PRKCE: variants seen among roughly 807,000 people sequenced by gnomAD.
PRKCE encodes protein kinase C epsilon type.
PRKCE carries 16 observed loss-of-function variants against 85.4 expected under a neutral mutation model. The ratio of observed to expected loss-of-function variants is 0.19; its 90% CI spans 0.13 to 0.28. The LOEUF is 0.28. PRKCE is among the 10% of genes least tolerant of loss of function. The pLI is 1.00. For missense variants in PRKCE, 573 were observed against 975.2 expected, an observed-to-expected ratio of 0.59 and a Z score of 5.49; for synonymous variants, 388 against 371.5, an observed-to-expected ratio of 1.04 and a Z score of -0.51.
At chr2:45,681,968 T>G (rs1160438022) in intron 1 of PRKCE, among the ~76,000 whole-genome samples, 1 of 152,222 alleles carries the variant, frequency 6.6e-6, no homozygotes, top group African/African-American at 2.4e-5. Flanking sequence ...TGGTGCAGAC[T>G]CAGGGTTCTC....
At chr2:45,870,564 AT>A (rs1694010631) in intron 2 of PRKCE, among the ~76,000 whole-genome samples, 1 of 152,222 alleles carries the variant, frequency 6.6e-6, no homozygotes, top group Non-Finnish European at 1.5e-5. Flanking sequence ...CTCATCAGCC[AT>A]GCAGAGCAGA....
chr2:45,814,646 T>A (rs4455207), intron 1 of PRKCE, among the ~76,000 whole-genome samples: 31,052 of 152,214 alleles, frequency 0.2, 3,254 homozygotes, highest in Middle Eastern at 0.34. Flanking sequence ...CCAATTCTCC[T>A]GGGGTCTGTG....
chr2:46,130,132 G>A (rs545590468), intron 11 of PRKCE, among the ~76,000 whole-genome samples: 1 of 152,010 alleles, frequency 6.6e-6, no homozygotes, highest in Non-Finnish European at 1.5e-5. Context: ...TGTTTTTGTG[G>A]TTGTTTTCAT....
chr2:46,134,902 T>TA (rs1466433861), intron 11 of PRKCE, among the ~76,000 whole-genome samples: 3 of 152,268 alleles, frequency 2.0e-5, no homozygotes, highest in African/African-American at 7.2e-5. Flanking sequence ...ATCAGGATTT[T>TA]ATCCATGAAT....
chr2:45,798,140 G>A (rs1345206778), intron 1 of PRKCE, among the ~76,000 whole-genome samples: 2 of 152,102 alleles, frequency 1.3e-5, no homozygotes, highest in Non-Finnish European at 2.9e-5. Flanking sequence ...CAGCAAAGTC[G>A]TTTGTGCAAA....
intron 1 of PRKCE, among the ~76,000 whole-genome samples, chr2:45,840,954 G>A (rs1195742612): frequency 2.6e-5 from 4 of 152,168 alleles, no homozygotes; most frequent in Non-Finnish European, 4.4e-5. Context: ...TGGGGACAGA[G>A]CCTTGGGAGG....
chr2:45,939,222 T>A (rs2595191), intron 2 of PRKCE, among the ~76,000 whole-genome samples: 6 of 152,104 alleles, frequency 3.9e-5, no homozygotes, highest in African/African-American at 1.2e-4. Context: ...AGAAATTTGA[T>A]ACAAGTGCCA....
Position 46,140,392 on chromosome 2 carries a change from G to C in PRKCE, c.1593-4701G>C, listed in dbSNP as rs568703682. On this transcript the variant is annotated intron_variant, in intron 11 of 14. Transcript: ENST00000306156. The stretch of plus-strand genomic sequence containing the variant: ...AAGTGCACATGAGGATTTAGTACTA[G>C]TATTTGATAAAGGTGGTATTTCAAT... Among the ~76,000 whole-genome samples the C allele has an allele frequency of 2.0e-5, 3 of 152,288 alleles. No homozygotes were observed. In the South Asian group the frequency reaches 6.2e-4, roughly 32 times the overall value.
intron 2 of PRKCE, among the ~76,000 whole-genome samples, chr2:45,969,413 A>G (rs1031544284): frequency 5.9e-5 from 9 of 152,168 alleles, no homozygotes; most frequent in Non-Finnish European, 1.0e-4. Context: ...GTCACGGCAA[A>G]TGAACTGTCA....
At chr2:46,087,746 T>C (rs921698809) in intron 11 of PRKCE, among the ~76,000 whole-genome samples, 1 of 152,222 alleles carries the variant, frequency 6.6e-6, no homozygotes, top group Non-Finnish European at 1.5e-5. Flanking sequence ...CCCTGGTCAG[T>C]GTATCACGAA....
At chr2:45,840,477 A>T (rs1481530479) in intron 1 of PRKCE, 1 of 152,216 alleles carries the variant, frequency 6.6e-6, no homozygotes, top group East Asian at 1.9e-4. Flanking sequence ...AAGGAATGAG[A>T]AAAGGCAGCA....
chr2:46,113,103 G>A (rs994473313), intron 11 of PRKCE, among the ~76,000 whole-genome samples: 1 of 152,166 alleles, frequency 6.6e-6, no homozygotes, highest in Non-Finnish European at 1.5e-5. Context: ...TATAATTACT[G>A]TATTAGTGCT....
At chr2:46,120,312 TG>T (rs1372202004) in intron 11 of PRKCE, among the ~76,000 whole-genome samples, 1 of 152,168 alleles carries the variant, frequency 6.6e-6, no homozygotes, top group Non-Finnish European at 1.5e-5. Context: ...CATTTTTGGT[TG>T]CTGAAACTTG....
rs1553440407 is a variant in PRKCE, at chr2:45,885,002, T to TATATTTTTTTTTG, written c.412+41939_412+41940insATATTTTTTTTTG. Among the ~76,000 whole-genome samples the TATATTTTTTTTTG allele has an allele frequency of 2.5e-4, 24 of 97,654 alleles. 1 individual carries two copies. The highest frequency in any genetic ancestry group is 4.0e-4 in the Non-Finnish European group (19 of 47,612). The allele number at this position is 97,654 out of a possible 152,430, so 64.1% of individuals were successfully genotyped here. Reference sequence around the variant, plus strand: ...ATATATATATATATATATATATATATTTGTTGTTGTTGTTGTTGTTTTACC... The same window carrying TATATTTTTTTTTG: ...ATATATATATATATATATATATATATATATTTTTTTTTGTTGTTGTTGTTGTTGTTGTTTTACC... On this transcript the variant is annotated intron_variant, in intron 2 of 14. Coordinates refer to ENST00000306156, the MANE Select transcript of PRKCE (RefSeq NM_005400.3).
rs534654407 is a variant in PRKCE at position 45,710,030 on chromosome 2, C to T, written c.348+57582C>T. ...TTCACCATGTTGGCCAGACTGGTCT[C>T]GAACCCCTGACCTCAAGTGATCCGG... On this transcript the variant is annotated intron_variant, in intron 1 of 14. Coordinates refer to ENST00000306156, the MANE Select transcript of PRKCE (RefSeq NM_005400.3). Among the ~76,000 whole-genome samples the T allele has an allele frequency of 5.3e-5, 8 of 152,276 alleles. No homozygotes were observed. The East Asian group carries it at 1.2e-3, about 22-fold the overall frequency.
chr2:45,760,632 G>A (rs536112848), intron 1 of PRKCE, among the ~76,000 whole-genome samples: 1 of 152,302 alleles, frequency 6.6e-6, no homozygotes, highest in African/African-American at 2.4e-5. Context: ...TAGGGGCTCT[G>A]GCTTGATGTA....
At chr2:45,714,169 C>T (rs1679896547) in intron 1 of PRKCE, among the ~76,000 whole-genome samples, 1 of 152,186 alleles carries the variant, frequency 6.6e-6, no homozygotes, top group Non-Finnish European at 1.5e-5. Flanking sequence ...GGCATGGCCC[C>T]TGCTCTGATG....
At chr2:45,869,958 G>A (rs962409214) in intron 2 of PRKCE, among the ~76,000 whole-genome samples, 11 of 151,876 alleles carry the variant, frequency 7.2e-5, no homozygotes, top group Non-Finnish European at 1.0e-4. Context: ...TGTCCACCTC[G>A]GCCTCCCAAA....
intron 1 of PRKCE, among the ~76,000 whole-genome samples, chr2:45,722,263 A>T (rs1429412046): frequency 6.6e-6 from 1 of 152,152 alleles, no homozygotes; most frequent in Non-Finnish European, 1.5e-5. Flanking sequence ...TTTAAGTTCT[A>T]GGGTCCATGT....
Sources: gnomAD v4.1 joint callset for allele counts (sites outside exome capture counted in the v4.1 genomes callset) on GRCh38, gnomAD v4.1.1 for gene constraint, MANE v1.5 for transcripts, NCBI Gene and HGNC (gene_info 2026-07-23, HGNC 2026-07-21) for gene names.